The following CNTNAP2 variants were observed in gnomAD, a reference collection of about 807,000 sequenced individuals.
CNTNAP2 encodes contactin-associated protein-like 2.
Under a neutral mutation model 155.2 loss-of-function variants are expected in CNTNAP2, and 98 were observed. That is an observed-to-expected ratio of 0.63 (90% CI 0.54 to 0.75). CNTNAP2 has a LOEUF of 0.75. Among genes scored for constraint, CNTNAP2 ranks in the 30% least tolerant of loss-of-function variants. CNTNAP2 has a pLI of 0.00. For synonymous variants in CNTNAP2, 651 were observed against 631.2 expected (o/e 1.03, Z -0.47); for missense variants, 1,727 against 1,688.1 (o/e 1.02, Z -0.40).
At chr7:146,657,653 T>A (rs1800018158) in intron 1 of CNTNAP2, among the ~76,000 whole-genome samples, 1 of 152,158 alleles carries the variant, frequency 6.6e-6, no homozygotes, top group Non-Finnish European at 1.5e-5. Context: ...ACTACTAGTT[T>A]TTTGCCATAA....
intron 12 of CNTNAP2, among the ~76,000 whole-genome samples, chr7:147,567,992 A>G (rs1800207509): frequency 6.6e-6 from 1 of 152,180 alleles, no homozygotes; most frequent in African/African-American, 2.4e-5. Context: ...AGGCTGAGAC[A>G]GGAGAGTCAC....
intron 15 of CNTNAP2, among the ~76,000 whole-genome samples, chr7:147,987,514 T>C (rs1200072101): frequency 1.3e-5 from 2 of 152,190 alleles, no homozygotes; most frequent in African/African-American, 4.8e-5. Flanking sequence ...GACTTGGTTC[T>C]GCAGGTCTGT....
At chr7:147,033,177 T>TATATATATATATATAC (rs1799073917) in intron 3 of CNTNAP2, among the ~76,000 whole-genome samples, 2 of 49,962 alleles carry the variant, frequency 4.0e-5, no homozygotes, top group African/African-American at 1.4e-4. Flanking sequence ...TATATATATA[T>TATATATATATATATAC]ATATATATAT....
intron 11 of CNTNAP2, among the ~76,000 whole-genome samples, chr7:147,534,336 TA>T (rs1242699163): frequency 6.6e-6 from 1 of 152,186 alleles, no homozygotes. Flanking sequence ...TAAGACTGAA[TA>T]TTAATGAAAA....
intron 15 of CNTNAP2, among the ~76,000 whole-genome samples, chr7:148,087,286 T>C (rs1803752803): frequency 6.6e-6 from 1 of 152,214 alleles, no homozygotes; most frequent in Non-Finnish European, 1.5e-5. Context: ...TATTTTTGTG[T>C]CTATTGTACT....
chr7:147,460,452 CTT>C (rs1367291058), intron 10 of CNTNAP2, among the ~76,000 whole-genome samples: 1 of 152,148 alleles, frequency 6.6e-6, no homozygotes, highest in East Asian at 1.9e-4. Context: ...CATAAATTGA[CTT>C]TATAAAGAAA....
chr7:147,761,369 C>T (rs946436661), intron 13 of CNTNAP2, among the ~76,000 whole-genome samples: 10 of 152,184 alleles, frequency 6.6e-5, no homozygotes, highest in Non-Finnish European at 1.3e-4. Context: ...CTTCCCAACT[C>T]CAAGCACATG....
chr7:146,769,030 A>G (rs1378037769), intron 1 of CNTNAP2, among the ~76,000 whole-genome samples: 1 of 152,182 alleles, frequency 6.6e-6, no homozygotes, highest in Non-Finnish European at 1.5e-5. Flanking sequence ...ATTTGCCAAT[A>G]ATTTCCTCTG....
chr7:147,896,087 GAA>G (rs1239177886), intron 13 of CNTNAP2, among the ~76,000 whole-genome samples: 1 of 152,228 alleles, frequency 6.6e-6, no homozygotes, highest in Non-Finnish European at 1.5e-5. Context: ...TGTGACTTGA[GAA>G]AGAGTGAGGG....
intron 9 of CNTNAP2, among the ~76,000 whole-genome samples, chr7:147,356,385 G>C (rs918580623): frequency 5.9e-5 from 9 of 151,958 alleles, no homozygotes; most frequent in Admixed American, 3.9e-4. Flanking sequence ...GACAGGGATG[G>C]CCTCTCTCAC....
chr7:148,082,837 C>T (rs1803641273), intron 15 of CNTNAP2, among the ~76,000 whole-genome samples: 1 of 152,196 alleles, frequency 6.6e-6, no homozygotes, highest in Non-Finnish European at 1.5e-5. Context: ...TGCCACCACG[C>T]CCAGCTAATT....
chr7:146,918,627 T>G lies in CNTNAP2; in HGVS notation c.402+78723T>G, dbSNP rs989435088. ...ACTTATAAGATTATTTCCTTTATCT[T>G]GAATTTAGATAACCTGATGACAATG... On this transcript the variant is annotated intron_variant, in intron 3 of 23. Transcript: ENST00000361727. Among the ~76,000 whole-genome samples, 3 of 152,192 alleles carry G rather than the reference T, an allele frequency of 2.0e-5. No homozygotes were observed. In the East Asian group the frequency reaches 5.8e-4, roughly 29 times the overall value.
intron 16 of CNTNAP2, among the ~76,000 whole-genome samples, chr7:148,127,102 C>T (rs912444988): frequency 2.0e-5 from 3 of 152,040 alleles, no homozygotes; most frequent in Non-Finnish European, 4.4e-5. Context: ...CTCAGGAGTT[C>T]GAGACCAGCA....
In CNTNAP2 at chr7:146,478,999, CTTA is replaced by C. The variant is rs369812680; in HGVS notation, c.98-295269_98-295267del. 2.8e-4 allele frequency among the ~76,000 whole-genome samples: 42 copies of C among 152,110 alleles called. 1 individual carries two copies. Among genetic ancestry groups the C allele is most frequent in the African/African-American group, 1.0e-3 (42 of 41,496 alleles). ...ACTCAAAACAATACTTTTAAAATTG[CTTA>C]TTTAGTATTGAAGTAGGAAAAAAAT... On this transcript the variant is annotated intron_variant, in intron 1 of 23. Coordinates refer to ENST00000361727, the MANE Select transcript of CNTNAP2 (RefSeq NM_014141.6).
chr7:147,134,304 T>C (rs1801435616), intron 8 of CNTNAP2, among the ~76,000 whole-genome samples: 5 of 152,026 alleles, frequency 3.3e-5, no homozygotes, highest in Middle Eastern at 6.8e-3. Flanking sequence ...AAAGATAGAA[T>C]GAACAAAGAA....
chr7:146,999,779 T>C (rs1196238249), intron 3 of CNTNAP2, among the ~76,000 whole-genome samples: 2 of 152,104 alleles, frequency 1.3e-5, no homozygotes, highest in African/African-American at 4.8e-5. Context: ...ATTTGTGGTT[T>C]GCTTCTTCGC....
intron 1 of CNTNAP2, among the ~76,000 whole-genome samples, chr7:146,329,665 A>T (rs1801149589): frequency 6.6e-6 from 1 of 152,144 alleles, no homozygotes; most frequent in Non-Finnish European, 1.5e-5. Context: ...CTTGTTATGT[A>T]CCAAATTCTA....
chr7:146,753,377 A>C (rs1284727702), intron 1 of CNTNAP2, among the ~76,000 whole-genome samples: 1 of 152,122 alleles, frequency 6.6e-6, no homozygotes, highest in Non-Finnish European at 1.5e-5. Flanking sequence ...AATTAAAAAA[A>C]AAATGTAAGA....
At chr7:146,740,065 A>G (rs955862440) in intron 1 of CNTNAP2, among the ~76,000 whole-genome samples, 1 of 152,066 alleles carries the variant, frequency 6.6e-6, no homozygotes, top group African/African-American at 2.4e-5. Flanking sequence ...TAGACATACC[A>G]TTTAAATCCT....
Sources: allele counts gnomAD v4.1 joint callset (sites outside exome capture counted in the v4.1 genomes callset), GRCh38; gene constraint gnomAD v4.1.1; transcripts MANE v1.5; gene names NCBI Gene and HGNC (gene_info 2026-07-23, HGNC 2026-07-21).